Variants in CTNND2 observed in about 807,000 individuals in gnomAD.
The protein encoded by CTNND2 is catenin delta 2.
In CTNND2, 22 loss-of-function variants were observed where a neutral mutation model predicts 144.4. The observed-to-expected ratio is 0.15, with a 90% CI of 0.11 to 0.22. The LOEUF is 0.22. Ranked by LOEUF, CTNND2 falls within the 10% of genes least tolerant of loss-of-function variation. CTNND2 has a pLI of 1.00. For synonymous variants in CTNND2, 751 were observed against 695.6 expected (o/e 1.08, Z -1.25); for missense variants, 1,353 against 1,618.8 (o/e 0.84, Z 2.82).
At chr5:11,558,836 C>T (rs879663657) in intron 3 of CTNND2, among the ~76,000 whole-genome samples, 10 of 152,166 alleles carry the variant, frequency 6.6e-5, no homozygotes, top group Non-Finnish European at 1.3e-4. Context: ...TATTTAACAT[C>T]TAAGCCTGTT....
intron 1 of CTNND2, among the ~76,000 whole-genome samples, chr5:11,831,377 A>G (rs953178522): frequency 1.3e-5 from 2 of 152,074 alleles, no homozygotes; most frequent in Non-Finnish European, 2.9e-5. Flanking sequence ...AATGAGGAGG[A>G]AAAAAGAGTT....
intron 12 of CTNND2, among the ~76,000 whole-genome samples, chr5:11,119,734 G>C (rs1374157631): frequency 6.6e-6 from 1 of 152,194 alleles, no homozygotes; most frequent in Non-Finnish European, 1.5e-5. Context: ...GTGTGATTAT[G>C]TTTCGCTCTT....
intron 1 of CTNND2, among the ~76,000 whole-genome samples, chr5:11,749,737 G>A (rs534196328): frequency 2.6e-4 from 40 of 151,742 alleles, no homozygotes; most frequent in South Asian, 2.1e-4. Context: ...TTTTGGACAC[G>A]GATATCTTCT....
intron 3 of CTNND2, among the ~76,000 whole-genome samples, chr5:11,562,069 T>A (rs1013705929): frequency 6.6e-6 from 1 of 151,782 alleles, no homozygotes; most frequent in Non-Finnish European, 1.5e-5. Context: ...GAGAGAGAGA[T>A]CTTGGGAATC....
chr5:10,985,971 T>G (rs1737890349), intron 20 of CTNND2, among the ~76,000 whole-genome samples: 1 of 152,174 alleles, frequency 6.6e-6, no homozygotes, highest in East Asian at 1.9e-4. Flanking sequence ...ATCATTGTTG[T>G]GATAATAACA....
At chr5:11,163,338 G>A (rs1289392442) in intron 11 of CTNND2, among the ~76,000 whole-genome samples, 11 of 152,310 alleles carry the variant, frequency 7.2e-5, no homozygotes. Flanking sequence ...AGGGCTTTCA[G>A]CCGAAATTTT....
At chr5:11,117,645 T>A in intron 12 of CTNND2, 78 bp from the exon 13 acceptor site, 1 of 1,147,252 alleles carries the variant, frequency 8.7e-7, no homozygotes, top group Non-Finnish European at 1.3e-6. Flanking sequence ...GCTGCTCTCA[T>A]AGTTTGAAAG....
At chr5:11,561,033 C>T (rs914879742) in intron 3 of CTNND2, among the ~76,000 whole-genome samples, 1 of 152,130 alleles carries the variant, frequency 6.6e-6, no homozygotes, top group Non-Finnish European at 1.5e-5. Flanking sequence ...TCAACCTGGA[C>T]GAGGACTGGA....
At chr5:11,748,143 C>G (rs1268897618) in intron 1 of CTNND2, among the ~76,000 whole-genome samples, 1 of 152,038 alleles carries the variant, frequency 6.6e-6, no homozygotes, top group Non-Finnish European at 1.5e-5. Flanking sequence ...ACTTTAGTCA[C>G]TACCATTGAC....
intron 16 of CTNND2, among the ~76,000 whole-genome samples, chr5:11,059,901 C>T (rs1453010017): frequency 1.3e-5 from 2 of 152,070 alleles, no homozygotes; most frequent in African/African-American, 4.8e-5. Flanking sequence ...TATATACATT[C>T]ATACCATATT....
intron 12 of CTNND2, among the ~76,000 whole-genome samples, chr5:11,139,630 C>T (rs1756515191): frequency 6.6e-6 from 1 of 152,236 alleles, no homozygotes; most frequent in Non-Finnish European, 1.5e-5. Context: ...CAGCTCTGCT[C>T]CCTGAGTGCT....
At chr5:11,619,758 TA>T (rs1228935545) in intron 2 of CTNND2, among the ~76,000 whole-genome samples, 1 of 152,194 alleles carries the variant, frequency 6.6e-6, no homozygotes, top group Non-Finnish European at 1.5e-5. Context: ...GCTGCACAAG[TA>T]GCTGGAAATT....
At chr5:11,045,725 C>T (rs967298160) in intron 16 of CTNND2, among the ~76,000 whole-genome samples, 1 of 152,164 alleles carries the variant, frequency 6.6e-6, no homozygotes, top group East Asian at 1.9e-4. Context: ...AGACCCTTAA[C>T]TTAATTGTAT....
At chr5:11,665,089 A>G (rs62338658) in intron 2 of CTNND2, among the ~76,000 whole-genome samples, 9,315 of 152,246 alleles carry the variant, frequency 0.061, 379 homozygotes, top group Non-Finnish European at 0.087. Context: ...CAATTTCCCA[A>G]CCAGATTTCC....
chr5:11,450,707 G>A (rs1765230132), intron 3 of CTNND2, among the ~76,000 whole-genome samples: 2 of 152,038 alleles, frequency 1.3e-5, no homozygotes, highest in Admixed American at 6.6e-5. Context: ...AGACCATCCT[G>A]GCTAACATGG....
chr5:11,083,996 C>A, intron 15 of CTNND2: 1 of 1,032,734 alleles, frequency 9.7e-7, no homozygotes, highest in Non-Finnish European at 1.2e-6. Flanking sequence ...TTCATCCTGT[C>A]CTACATTAGA....
chr5:11,217,384 A>C, intron 10 of CTNND2, among the ~76,000 whole-genome samples: 1 of 152,192 alleles, frequency 6.6e-6, no homozygotes, highest in East Asian at 1.9e-4. Context: ...GTGGCTTTTC[A>C]AAAGTGTTCT....
At chr5:11,823,356 A>G (rs550697183) in intron 1 of CTNND2, among the ~76,000 whole-genome samples, 2 of 152,216 alleles carry the variant, frequency 1.3e-5, no homozygotes, top group Non-Finnish European at 2.9e-5. Flanking sequence ...TACTACAGTC[A>G]ATCACGAATT....
intron 10 of CTNND2, among the ~76,000 whole-genome samples, chr5:11,234,276 TA>T (rs1440965803): frequency 1.3e-5 from 2 of 152,070 alleles, no homozygotes; most frequent in African/African-American, 4.8e-5. Context: ...GAAATATACA[TA>T]AAATAAAACA....
Sources: gnomAD v4.1 joint callset for allele counts (sites outside exome capture counted in the v4.1 genomes callset) on GRCh38, gnomAD v4.1.1 for gene constraint, MANE v1.5 for transcripts, NCBI Gene and HGNC (gene_info 2026-07-23, HGNC 2026-07-21) for gene names.